NCOR2: variants seen among roughly 807,000 people sequenced by gnomAD.
NCOR2 encodes nuclear receptor corepressor 2, also known as CTG repeat protein 26.
In NCOR2, 81 loss-of-function variants were observed where a neutral mutation model predicts 262.9. The ratio of observed to expected loss-of-function variants is 0.31; its 90% confidence interval spans 0.26 to 0.37. NCOR2 has a LOEUF of 0.37. Among genes scored for constraint, NCOR2 ranks in the 10% least tolerant of loss-of-function variants. The probability of loss-of-function intolerance (pLI) is 1.00; values close to 1 mark genes in which losing one functional copy is unlikely to be tolerated. For synonymous variants in NCOR2, 1,659 were observed against 1,559.3 expected, an observed-to-expected ratio of 1.06 and a Z score of -1.51; for missense variants, 3,385 against 3,621.4, an observed-to-expected ratio of 0.93 and a Z score of 1.68.
At chr12:124,426,693 G>A (rs1353833280) in exon 11 of NCOR2, 6 of 1,611,888 alleles carry the variant, frequency 3.7e-6, no homozygotes, top group Middle Eastern at 1.6e-4. Flanking sequence ...ACACCTTCAT[G>A]GGGTCGGCCA....
rs549462800 is a variant in NCOR2 at position 124,481,022 on chromosome 12, T to C, written c.411+2574A>G. 1.9e-3 allele frequency among the ~76,000 whole-genome samples: 275 copies of C among 142,474 alleles called. 1 individual carries two copies. The highest frequency in any genetic ancestry group is 7.0e-3 in the African/African-American group (264 of 37,756). The allele number at this position is 142,474 out of a possible 152,430, so 93.5% of individuals were successfully genotyped here. A position where few individuals can be genotyped will look rare whatever the true frequency, so the allele number is the denominator to read the frequency against. On this transcript the variant is annotated intron_variant, in intron 3 of 46. Transcript: ENST00000405201. The surrounding 1 kb of genome is among the most constrained non-coding windows in gnomAD (Gnocchi z 4.6). The stretch of plus-strand genomic sequence containing the variant: ...AGATGGGCTGGGTGGCGCTGGGTGG[T>C]GGCTGGGAGTGGCTCTGTGGTAGGG...
chr12:124,376,224 C>T (rs944454822), intron 18 of NCOR2, among the ~76,000 whole-genome samples: 5 of 152,244 alleles, frequency 3.3e-5, no homozygotes, highest in Non-Finnish European at 5.9e-5. Context: ...CTCCAGCCAC[C>T]TCAGCCCTCC....
At chr12:124,417,889 G>A (rs1027014414) in intron 13 of NCOR2, among the ~76,000 whole-genome samples, 4 of 151,946 alleles carry the variant, frequency 2.6e-5, no homozygotes, top group Admixed American at 6.6e-5. Context: ...GTGAAACCCT[G>A]TCTCTATTAT....
chr12:124,361,590 A>C (rs1288219073), intron 22 of NCOR2, among the ~76,000 whole-genome samples: 1 of 152,218 alleles, frequency 6.6e-6, no homozygotes, highest in Non-Finnish European at 1.5e-5. Context: ...TGGTGAACCC[A>C]GAGACCTGGG....
intron 20 of NCOR2, 121 bp downstream of exon 22, chr12:124,371,901 C>T (rs1414487685): frequency 1.9e-6 from 2 of 1,036,788 alleles, no homozygotes; most frequent in Non-Finnish European, 1.4e-6. Flanking sequence ...GCCTCCCTAA[C>T]CACACCTCGG....
chr12:124,371,568 G>A (rs1024949382), intron 20 of NCOR2, among the ~76,000 whole-genome samples: 5 of 152,192 alleles, frequency 3.3e-5, no homozygotes, highest in African/African-American at 1.2e-4. Flanking sequence ...CAGCAATCAC[G>A]ACCGCCAGCA....
At chr12:124,414,770 T>TC (rs1404660302) in intron 13 of NCOR2, among the ~76,000 whole-genome samples, 1 of 152,152 alleles carries the variant, frequency 6.6e-6, no homozygotes, top group Non-Finnish European at 1.5e-5. Context: ...ACCCGGGTTC[T>TC]CCATCTTCCC....
chr12:124,437,695 C>G (rs967960749), intron 8 of NCOR2, among the ~76,000 whole-genome samples: 5 of 152,222 alleles, frequency 3.3e-5, no homozygotes, highest in Non-Finnish European at 7.3e-5. Flanking sequence ...TTCTTCCCTT[C>G]CAGGCTGGAA....
At chr12:124,406,560 C>T (rs1328809282) in intron 13 of NCOR2, among the ~76,000 whole-genome samples, 1 of 152,210 alleles carries the variant, frequency 6.6e-6, no homozygotes, top group Non-Finnish European at 1.5e-5. Context: ...TCAGAAAGAA[C>T]TAGAAGCCAG....
intron 44 of NCOR2, chr12:124,328,453 C>G (rs1397503023): frequency 6.6e-6 from 1 of 152,532 alleles, no homozygotes; most frequent in Non-Finnish European, 1.5e-5. Flanking sequence ...ATCAACAAAC[C>G]GGTCCCAAGA....
In NCOR2 at chr12:124,481,518, C is replaced by T. The variant is rs1290644708; in HGVS notation, c.411+2078G>A. ...GGAGGGCAGCCAGGGCTGGAAGGAG[C>T]GAGGAAAGAGGAATGTGCCTGGGGG... is the stretch of plus-strand genomic sequence containing the variant. On this transcript the variant is annotated intron_variant, in intron 3 of 46. Coordinates refer to ENST00000405201, the Ensembl canonical transcript of NCOR2. The surrounding 1 kb of genome is among the most constrained non-coding windows in gnomAD (Gnocchi z 4.6). Among the ~76,000 whole-genome samples, 5 of 152,204 alleles carry T rather than the reference C, an allele frequency of 3.3e-5. No individual in the cohort carries two copies. The highest frequency in any genetic ancestry group is 2.1e-4 in the South Asian group (1 of 4,816).
chr12:124,500,531 A>G (rs1293702063), intron 1 of NCOR2, among the ~76,000 whole-genome samples: 1 of 152,156 alleles, frequency 6.6e-6, no homozygotes, highest in African/African-American at 2.4e-5. Flanking sequence ...CTGGACCCAG[A>G]GCCCCTTCTG....
chr12:124,488,371 CAGA>C (rs568294864), intron 1 of NCOR2, among the ~76,000 whole-genome samples: 368 of 152,340 alleles, frequency 2.4e-3, no homozygotes, highest in African/African-American at 8.4e-3. Flanking sequence ...AGGCCTCCAA[CAGA>C]AGGTGTGTCT....
At chr12:124,375,357 A>G (rs925355769) in intron 18 of NCOR2, among the ~76,000 whole-genome samples, 1 of 152,202 alleles carries the variant, frequency 6.6e-6, no homozygotes, top group African/African-American at 2.4e-5. Context: ...CACAGTTATC[A>G]AGGGGGTCTG....
intron 44 of NCOR2, among the ~76,000 whole-genome samples, chr12:124,329,886 C>T (rs190234024): frequency 8.5e-5 from 13 of 152,290 alleles, no homozygotes; most frequent in East Asian, 1.9e-4. Context: ...CATTTCTAAC[C>T]CTCTTGTTGT....
chr12:124,490,936 G>A (rs537739189), intron 1 of NCOR2, among the ~76,000 whole-genome samples: 8 of 152,326 alleles, frequency 5.3e-5, no homozygotes, highest in South Asian at 4.1e-4. Flanking sequence ...ACCCCATATC[G>A]ATTTGTGACA....
rs1566411850 is a variant in NCOR2, at chr12:124,373,301, CCGGGCACAG to C, written c.2219-700_2219-692del. Among the ~76,000 whole-genome samples, 8 of 51,854 alleles carry C rather than the reference CCGGGCACAG, an allele frequency of 1.5e-4. 1 individual carries two copies. The highest frequency in any genetic ancestry group is 3.8e-4 in the Admixed American group (2 of 5,258). The allele number at this position is 51,854 out of a possible 152,430, so 34.0% of individuals were successfully genotyped here. A position where few individuals can be genotyped will look rare whatever the true frequency, so the allele number is the denominator to read the frequency against. On this transcript the variant is annotated intron_variant, in intron 19 of 46. Coordinates refer to ENST00000405201, the Ensembl canonical transcript of NCOR2. ...ATGAGGCCAGTGCGTGTGCAGGGGC[CCGGGCACAG>C]TGGACAATCATGAGGCCAGTGCGTG...
intron 16 of NCOR2, among the ~76,000 whole-genome samples, chr12:124,391,156 C>T (rs2041280020): frequency 6.6e-6 from 1 of 152,254 alleles, no homozygotes; most frequent in Admixed American, 6.5e-5. Context: ...CAAGGGTCTG[C>T]AAACCTGCAT....
At chr12:124,362,402 G>C (rs1027446428) in intron 21 of NCOR2, 105 bp from the exon 24 acceptor site, 72 of 1,051,634 alleles carry the variant, frequency 6.8e-5, no homozygotes, top group Non-Finnish European at 8.8e-5. Context: ...GCCCGGGAAA[G>C]CCAGCGACAT....
Sources: gnomAD v4.1 joint callset for allele counts (sites outside exome capture counted in the v4.1 genomes callset) on GRCh38, gnomAD v4.1.1 for gene constraint, Gnocchi (gnomAD v3.1) non-coding constraint, MANE v1.5 for transcripts, NCBI Gene and HGNC (gene_info 2026-07-23, HGNC 2026-07-21) for gene names.